The following BAIAP2 variants were observed in gnomAD, a reference collection of about 807,000 sequenced individuals.
The protein encoded by BAIAP2 is BAR/IMD domain containing adaptor protein 2.
Under a neutral mutation model 63.0 loss-of-function variants are expected in BAIAP2, and 18 were observed. The ratio of observed to expected loss-of-function variants is 0.29; its 90% CI spans 0.20 to 0.42. The LOEUF is 0.42. BAIAP2 is among the 10% of genes least tolerant of loss of function. The pLI, the probability that BAIAP2 is intolerant of heterozygous loss-of-function variation, is 1.00. For synonymous variants in BAIAP2, 386 were observed against 307.6 expected (o/e 1.25, Z -2.67); for missense variants, 610 against 734.3 (o/e 0.83, Z 1.96).
chr17:81,037,049 C>T (rs2046374837), intron 1 of BAIAP2: 2 of 1,069,250 alleles, frequency 1.9e-6, no homozygotes, highest in Non-Finnish European at 2.7e-6. Context: ...AGGCCTTCAC[C>T]TAGGTGAAGC....
rs571202304 is a variant in BAIAP2, at chr17:81,061,562, G to A, written c.217+3595G>A. Among the ~76,000 whole-genome samples the A allele has an allele frequency of 5.3e-5, 8 of 152,250 alleles. No individual in the cohort carries two copies. In the South Asian group the frequency reaches 6.2e-4, roughly 12 times the overall value. ...TTTTGTCCAGCTTCCTCGGGTGTGC[G>A]TGGTTATTCTGAGCTGCCTTCCTGC... On this transcript the variant is annotated intron_variant, in intron 3 of 13. Coordinates refer to ENST00000428708, the MANE Select transcript of BAIAP2 (RefSeq NM_001144888.2).
intron 3 of BAIAP2, among the ~76,000 whole-genome samples, chr17:81,062,005 C>T (rs889652953): frequency 2.0e-5 from 3 of 152,124 alleles, no homozygotes; most frequent in African/African-American, 7.2e-5. Context: ...TGCAGGGGTG[C>T]AATCTCGGCT....
intron 3 of BAIAP2, among the ~76,000 whole-genome samples, chr17:81,066,593 G>A (rs1329396993): frequency 2.0e-5 from 3 of 152,326 alleles, no homozygotes; most frequent in Non-Finnish European, 2.9e-5. Context: ...CCGTGTGTGC[G>A]GCATCTCTGC....
intron 13 of BAIAP2, chr17:81,110,548 G>T: frequency 8.8e-7 from 1 of 1,137,158 alleles, no homozygotes; most frequent in Non-Finnish European, 1.1e-6. Context: ...GGTTCCCGGC[G>T]TGCGTCTTTG....
intron 1 of BAIAP2, among the ~76,000 whole-genome samples, chr17:81,036,602 C>T (rs1460093757): frequency 6.6e-6 from 1 of 152,186 alleles, no homozygotes; most frequent in East Asian, 1.9e-4. Context: ...CCGCGTCAGT[C>T]TGGAAGGTTT....
chr17:81,067,398 A>G (rs2144675247), intron 3 of BAIAP2, among the ~76,000 whole-genome samples: 1 of 152,288 alleles, frequency 6.6e-6, no homozygotes, highest in South Asian at 2.1e-4. Flanking sequence ...GGGGGGCCTC[A>G]TGGTGGGCGG....
chr17:81,081,637 C>T (rs1008901028), intron 3 of BAIAP2, among the ~76,000 whole-genome samples: 13 of 152,216 alleles, frequency 8.5e-5, no homozygotes, highest in African/African-American at 3.1e-4. Flanking sequence ...CCCTTCCCTG[C>T]ACACCTTGAA....
At chr17:81,058,008 G>A (rs1286233136) in intron 3 of BAIAP2, 41 bp downstream of exon 3, 4 of 1,345,474 alleles carry the variant, frequency 3.0e-6, no homozygotes, top group African/African-American at 3.6e-5. Context: ...GTCGCCTGAT[G>A]CCCTCAGGCA....
At chr17:81,038,468 T>A (rs970053382) in intron 1 of BAIAP2, among the ~76,000 whole-genome samples, 1 of 152,224 alleles carries the variant, frequency 6.6e-6, no homozygotes, top group African/African-American at 2.4e-5. Context: ...TGAGAGAGCA[T>A]CTGGGGAGGA....
At chr17:81,110,457 T>C in intron 13 of BAIAP2, 1 of 998,746 alleles carries the variant, frequency 1.0e-6, no homozygotes, top group Non-Finnish European at 1.2e-6. Context: ...TTTTAAAAAA[T>C]CTGAATTGTG....
intron 6 of BAIAP2, among the ~76,000 whole-genome samples, chr17:81,093,472 A>G (rs866726910): frequency 1.6e-4 from 24 of 151,712 alleles, no homozygotes; most frequent in Non-Finnish European, 2.9e-4. Context: ...GGGAGGAGGG[A>G]GGTGAGGCAG....
chr17:81,066,036 G>A (rs997823336), intron 3 of BAIAP2, among the ~76,000 whole-genome samples: 1 of 152,242 alleles, frequency 6.6e-6, no homozygotes, highest in Non-Finnish European at 1.5e-5. Context: ...GTCTATCTGG[G>A]GCCCTGAGCC....
At chr17:81,099,314 C>T (rs912031326) in intron 6 of BAIAP2, among the ~76,000 whole-genome samples, 1 of 152,158 alleles carries the variant, frequency 6.6e-6, no homozygotes, top group Non-Finnish European at 1.5e-5. Flanking sequence ...TCATTCAGAG[C>T]CGGAGCCGGG....
intron 1 of BAIAP2, among the ~76,000 whole-genome samples, chr17:81,050,758 C>T (rs952259067): frequency 6.7e-6 from 1 of 150,320 alleles, no homozygotes; most frequent in African/African-American, 2.4e-5. Context: ...CACACATGCA[C>T]ACATGCATGT....
At chr17:81,098,140 G>A in intron 6 of BAIAP2, 1 of 1,460,520 alleles carries the variant, frequency 6.8e-7, no homozygotes. Context: ...GAGGGACAGA[G>A]GCAGAGAGCC....
chr17:81,051,611 G>A (rs1270877019), intron 1 of BAIAP2, among the ~76,000 whole-genome samples: 1 of 152,152 alleles, frequency 6.6e-6, no homozygotes, highest in Non-Finnish European at 1.5e-5. Flanking sequence ...TGGCCAGGAT[G>A]GTCTCCATCT....
chr17:81,044,490 A>G (rs148851561), intron 1 of BAIAP2, among the ~76,000 whole-genome samples: 22 of 152,316 alleles, frequency 1.4e-4, no homozygotes, highest in African/African-American at 4.3e-4. Flanking sequence ...GGCCCGCCCT[A>G]GTGACCCCAG....
chr17:81,062,361 GTTATTATGACTCTGTGGTAT>G (rs1254595929), intron 3 of BAIAP2, among the ~76,000 whole-genome samples: 1 of 148,516 alleles, frequency 6.7e-6, no homozygotes, highest in African/African-American at 2.5e-5. Flanking sequence ...ATGGATTTTT[GTTATTATGACTCTGTGGTAT>G]TTATTATGAC....
chr17:81,055,535 G>C (rs942867416), intron 2 of BAIAP2, among the ~76,000 whole-genome samples: 8 of 142,560 alleles, frequency 5.6e-5, no homozygotes, highest in African/African-American at 2.1e-4. Flanking sequence ...TTGTCTTAAA[G>C]AGCTGTCCTT....
Sources: allele counts gnomAD v4.1 joint callset (sites outside exome capture counted in the v4.1 genomes callset), GRCh38; gene constraint gnomAD v4.1.1; transcripts MANE v1.5; gene names NCBI Gene and HGNC (gene_info 2026-07-23, HGNC 2026-07-21).